Variants in ANK2 observed in about 807,000 individuals in gnomAD.
ANK2 encodes the protein ankyrin 2.
ANK2 carries 83 observed loss-of-function variants against 360.5 expected under a neutral mutation model. The ratio of observed to expected loss-of-function variants is 0.23; its 90% CI spans 0.19 to 0.28. The LOEUF (loss-of-function observed/expected upper bound fraction) is 0.28. Among genes scored for constraint, ANK2 ranks in the 10% least tolerant of loss-of-function variants. The probability of loss-of-function intolerance (pLI) is 1.00; values close to 1 mark genes in which losing one functional copy is unlikely to be tolerated. For missense variants in ANK2, 4,201 were observed against 4,795.7 expected (o/e 0.88, Z 3.66); for synonymous variants, 1,740 against 1,759.5 (o/e 0.99, Z 0.28).
At chr4:113,327,045 G>A (rs2090339911) in intron 26 of ANK2, among the ~76,000 whole-genome samples, 1 of 152,004 alleles carries the variant, frequency 6.6e-6, no homozygotes, top group African/African-American at 2.4e-5. Flanking sequence ...ATGCATACTG[G>A]CACCTGAATT....
At chr4:113,271,029 G>C (rs544507038) in intron 14 of ANK2, among the ~76,000 whole-genome samples, 2 of 152,166 alleles carry the variant, frequency 1.3e-5, no homozygotes, top group South Asian at 4.1e-4. Context: ...GTGGCTTAGC[G>C]TCCTGAAATT....
At chr4:113,247,217 A>T (rs976117210) in intron 9 of ANK2, among the ~76,000 whole-genome samples, 7 of 152,046 alleles carry the variant, frequency 4.6e-5, no homozygotes. Context: ...AGGGGGAAAA[A>T]CCCATAACCT....
At chr4:112,838,218 C>G (rs1249614769) in intron 1 of ANK2, among the ~76,000 whole-genome samples, 1 of 152,168 alleles carries the variant, frequency 6.6e-6, no homozygotes, top group Non-Finnish European at 1.5e-5. Flanking sequence ...TCTCTCTTTC[C>G]TGCCACCTTG....
chr4:113,054,694 T>G (rs1371076490), intron 1 of ANK2, among the ~76,000 whole-genome samples: 1 of 152,188 alleles, frequency 6.6e-6, no homozygotes, highest in Non-Finnish European at 1.5e-5. Context: ...TACCAACTTA[T>G]AACCCAAAAT....
chr4:112,805,968 T>A, the ANK2 span, among the ~76,000 whole-genome samples: 1 of 152,190 alleles, frequency 6.6e-6, no homozygotes. Flanking sequence ...GTAGATGTGA[T>A]ATTTTGATAC....
chr4:113,240,192 C>T (rs936149513), intron 7 of ANK2, among the ~76,000 whole-genome samples: 7 of 151,872 alleles, frequency 4.6e-5, no homozygotes, highest in African/African-American at 9.7e-5. Context: ...TATGCAAAAC[C>T]AACTTAAGAA....
At chr4:112,777,462 T>C in the ANK2 span, among the ~76,000 whole-genome samples, 4 of 152,012 alleles carry the variant, frequency 2.6e-5, no homozygotes, top group Non-Finnish European at 4.4e-5. Context: ...AGGATCGTCT[T>C]GATCTCCTGA....
intron 1 of ANK2, among the ~76,000 whole-genome samples, chr4:113,050,412 G>T (rs1410737133): frequency 2.0e-5 from 3 of 152,124 alleles, no homozygotes; most frequent in African/African-American, 7.2e-5. Flanking sequence ...AACAGCTAAA[G>T]ATGTTATGGG....
intron 1 of ANK2, among the ~76,000 whole-genome samples, chr4:112,825,807 A>T (rs1191418395): frequency 6.6e-6 from 1 of 152,240 alleles, no homozygotes; most frequent in African/African-American, 2.4e-5. Context: ...ATGATTGGAC[A>T]AAGGAGGTGT....
At chr4:113,309,735 G>A (rs887102018) in intron 23 of ANK2, among the ~76,000 whole-genome samples, 4 of 152,114 alleles carry the variant, frequency 2.6e-5, no homozygotes, top group South Asian at 4.2e-4. Context: ...ACTCAGGCTG[G>A]TTTCAAACTT....
chr4:113,346,729 T>C (rs939632097), intron 35 of ANK2, among the ~76,000 whole-genome samples: 4 of 152,166 alleles, frequency 2.6e-5, no homozygotes, highest in African/African-American at 7.2e-5. Context: ...AAAAAACATA[T>C]CGCCATGTTT....
At chr4:112,924,058 T>G (rs1435902740) in intron 2 of ANK2, among the ~76,000 whole-genome samples, 1 of 152,166 alleles carries the variant, frequency 6.6e-6, no homozygotes, top group African/African-American at 2.4e-5. Flanking sequence ...GCCTTTTAGA[T>G]TTCTTGAAAC....
chr4:112,838,519 C>T (rs1365776431), intron 1 of ANK2, among the ~76,000 whole-genome samples: 1 of 152,186 alleles, frequency 6.6e-6, no homozygotes, highest in Non-Finnish European at 1.5e-5. Flanking sequence ...CTCTCCTTCT[C>T]TCTCTTGGAC....
At chr4:113,094,555 C>T (rs181707593) in intron 1 of ANK2, among the ~76,000 whole-genome samples, 95 of 151,460 alleles carry the variant, frequency 6.3e-4, no homozygotes, top group African/African-American at 2.1e-3. Flanking sequence ...TGTGTGTGCG[C>T]GTGTGTGTAT....
At chr4:113,099,261 T>TCAA (rs57219910) in intron 1 of ANK2, among the ~76,000 whole-genome samples, 122,063 of 151,320 alleles carry the variant, frequency 0.81, 49,831 homozygotes, top group African/African-American at 0.94. Flanking sequence ...TCCCAAATGG[T>TCAA]CAACAACAAT....
intron 1 of ANK2, among the ~76,000 whole-genome samples, chr4:113,072,741 A>ATTTTTTTTTT (rs1580764802): frequency 1.2e-5 from 1 of 82,308 alleles, no homozygotes; most frequent in African/African-American, 4.1e-5. Context: ...CACTTGGCAT[A>ATTTTTTTTTT]ATTTTTTTTT....
intron 1 of ANK2, chr4:113,141,320 C>T (rs1041458726): frequency 4.6e-5 from 7 of 152,148 alleles, no homozygotes; most frequent in African/African-American, 1.7e-4. Flanking sequence ...CTGAGCAAAG[C>T]CAGCCCAGAG....
At chr4:113,004,948 A>G (rs2052253916) in intron 2 of ANK2, among the ~76,000 whole-genome samples, 1 of 152,230 alleles carries the variant, frequency 6.6e-6, no homozygotes, top group South Asian at 2.1e-4. Flanking sequence ...TATTTTAATA[A>G]GCCGTAAGAG....
chr4:113,262,350 C>T (rs2053404838), intron 13 of ANK2, among the ~76,000 whole-genome samples: 1 of 152,110 alleles, frequency 6.6e-6, no homozygotes, highest in South Asian at 2.1e-4. Flanking sequence ...CCTCAGCCTC[C>T]CAAGTAGCTG....
Sources: allele counts gnomAD v4.1 joint callset (sites outside exome capture counted in the v4.1 genomes callset), GRCh38; gene constraint gnomAD v4.1.1; transcripts MANE v1.5; gene names NCBI Gene and HGNC (gene_info 2026-07-23, HGNC 2026-07-21).